The following PTK7 variants were observed in gnomAD, a reference collection of about 807,000 sequenced individuals.
The protein encoded by PTK7 is protein tyrosine kinase 7 (inactive).
PTK7 carries 39 observed loss-of-function variants against 116.6 expected under a neutral mutation model. The ratio of observed to expected loss-of-function variants is 0.33; its 90% confidence interval spans 0.26 to 0.44. The LOEUF (loss-of-function observed/expected upper bound fraction) is 0.44. PTK7 is among the 20% of genes least tolerant of loss of function. PTK7 has a pLI of 1.00. For synonymous variants in PTK7, 546 were observed against 563.6 expected (o/e 0.97, Z 0.44); for missense variants, 1,169 against 1,425.6 (o/e 0.82, Z 2.90).
Position 43,139,451 on chromosome 6 carries a change from A to C in PTK7, c.1544A>C (p.Glu515Ala). ...CCACCCCAGCCACAGCAGTGCATGGAGTTTGACAAGGAGGCCACGGTGCCC... is the reference window on the plus strand; with the variant it reads ...CCACCCCAGCCACAGCAGTGCATGGCGTTTGACAAGGAGGCCACGGTGCCC... ...TPPPQPQQCM[E>A]FDKEATVPCS... is the part of the protein sequence containing the mutation. The change falls in exon 10 of 20, where the codon GAG (glutamate) becomes GCG (alanine). Residue 515 changes from glutamate to alanine, a missense_variant. Physicochemically the swap from Glu to Ala is moderately radical, Grantham distance 107. Transcript: ENST00000230419. This position sits in a 1 kb window ranked among gnomAD's most constrained non-coding sequence, Gnocchi z 4.6. 6.2e-7 allele frequency: 1 copy of C among 1,614,210 alleles called. No individual in the cohort carries two copies. Among genetic ancestry groups the C allele is most frequent in the Non-Finnish European group, 8.5e-7 (1 of 1,180,040 alleles).
chr6:43,119,146 C>T (rs1768799204), intron 1 of PTK7, among the ~76,000 whole-genome samples: 2 of 152,008 alleles, frequency 1.3e-5, no homozygotes, highest in South Asian at 4.2e-4. Flanking sequence ...GTGGGTGAGG[C>T]AGGGTTGGGT....
At chr6:43,079,657 C>T (rs1766257092) in intron 1 of PTK7, among the ~76,000 whole-genome samples, 1 of 152,144 alleles carries the variant, frequency 6.6e-6, no homozygotes, top group South Asian at 2.1e-4. Context: ...GTGGCACAAT[C>T]TTGGCTCACT....
At chr6:43,110,844 C>T (rs955986393) in intron 1 of PTK7, among the ~76,000 whole-genome samples, 35 of 152,214 alleles carry the variant, frequency 2.3e-4, no homozygotes, top group African/African-American at 7.0e-4. Context: ...TTGTATCTTA[C>T]GTAGTCAGGC....
At position 43,129,017 on chromosome 6, in the gene PTK7, C is replaced by T. The variant is rs140431672; in HGVS notation, c.120C>T (p.Ser40=). ...TTGTCTTCATCAAGCAGCCGTCCTC[C>T]CAGGATGCACTGCAGGGGCGCCGGG... ...TAIVFIKQPS[S]QDALQGRRAL... Residue 40 remains serine (S), a synonymous_variant, in exon 2 of 20, where the codon TCC becomes TCT. Coordinates refer to ENST00000230419, the MANE Select transcript of PTK7 (RefSeq NM_002821.5). The surrounding 1 kb of genome is among the most constrained non-coding windows in gnomAD (Gnocchi z 4.5). The T allele has an allele frequency of 1.9e-6, 3 of 1,613,610 alleles. No individual in the cohort carries two copies. Among genetic ancestry groups the T allele is most frequent in the Non-Finnish European group, 2.5e-6 (3 of 1,179,696 alleles).
At chr6:43,152,745 TTATGTTA>T (rs1318414468) in intron 17 of PTK7, among the ~76,000 whole-genome samples, 2 of 103,800 alleles carry the variant, frequency 1.9e-5, no homozygotes, top group Non-Finnish European at 3.6e-5. Context: ...TTATGTTATG[TTATGTTA>T]TGTTATGTTA....
rs1426286620 is a variant in PTK7 at position 43,143,503 on chromosome 6, G to A, written c.2134G>A (p.Ala712Thr). 5.0e-6 allele frequency: 8 copies of A among 1,614,060 alleles called. No individual in the cohort carries two copies. The highest frequency in any genetic ancestry group is 1.1e-5 in the South Asian group (1 of 91,088). ...GACCATTGGGTTGTCGGTGGGTGCC[G>A]CTGTGGCCTACATCATTGCCGTGCT... is the stretch of plus-strand genomic sequence containing the variant. ...IQTIGLSVGA[A>T]VAYIIAVLGL... The change falls in exon 14 of 20, where the codon GCT becomes ACT. Residue 712 changes from alanine to threonine, a missense_variant. Physicochemically the swap from Ala to Thr is moderately conservative, Grantham distance 58 (BLOSUM62 0). Coordinates refer to ENST00000230419, the MANE Select transcript of PTK7 (RefSeq NM_002821.5). This position sits in a 1 kb window ranked among gnomAD's most constrained non-coding sequence, Gnocchi z 4.2.
intron 17 of PTK7, among the ~76,000 whole-genome samples, chr6:43,147,186 G>T (rs945237450): frequency 3.9e-5 from 6 of 152,242 alleles, no homozygotes; most frequent in African/African-American, 1.4e-4. Context: ...TTTGCATCTT[G>T]TCCTCTCCCT....
intron 1 of PTK7, among the ~76,000 whole-genome samples, chr6:43,119,683 C>T (rs563100566): frequency 6.6e-6 from 1 of 152,298 alleles, no homozygotes; most frequent in African/African-American, 2.4e-5. Flanking sequence ...AGGCTGAGCT[C>T]GTGGCATATT....
intron 17 of PTK7, among the ~76,000 whole-genome samples, chr6:43,157,351 T>A (rs1209276823): frequency 8.2e-5 from 1 of 12,240 alleles, no homozygotes; most frequent in African/African-American, 2.0e-4. Flanking sequence ...TATATATATA[T>A]ATATATATAT....
Position 43,145,225 on chromosome 6 carries a change from C to T in PTK7, c.2433C>T (p.Phe811=). 1 of 1,611,394 alleles carries T rather than the reference C, an allele frequency of 6.2e-7. No homozygotes were observed. The highest frequency in any genetic ancestry group is 8.5e-7 in the Non-Finnish European group (1 of 1,178,362). ...TLGKSEFGEV[F]LAKAQGLEEG... is the part of the protein sequence containing the mutation. ...GGAAGAGTGAGTTTGGGGAGGTGTTCCTGGCAAAGGCTCAGGGCTTGGAGG... is the reference window on the plus strand; with the variant it reads ...GGAAGAGTGAGTTTGGGGAGGTGTTTCTGGCAAAGGCTCAGGGCTTGGAGG... The change falls in exon 16 of 20, where the codon TTC becomes TTT. Residue 811 remains phenylalanine, a synonymous_variant. Coordinates refer to ENST00000230419, the MANE Select transcript of PTK7 (RefSeq NM_002821.5). This position sits in a 1 kb window ranked among gnomAD's most constrained non-coding sequence, Gnocchi z 4.8.
intron 1 of PTK7, among the ~76,000 whole-genome samples, chr6:43,119,191 C>G (rs1015400824): frequency 3.3e-5 from 5 of 152,028 alleles, no homozygotes; most frequent in Admixed American, 1.3e-4. Context: ...TCCTCACCAC[C>G]AGGAATTTGG....
intron 7 of PTK7, among the ~76,000 whole-genome samples, chr6:43,138,288 G>A (rs904515451): frequency 1.3e-5 from 2 of 152,098 alleles, no homozygotes; most frequent in African/African-American, 4.8e-5. Context: ...TGGGATTACA[G>A]GTGTGAGCCA....
intron 1 of PTK7, among the ~76,000 whole-genome samples, chr6:43,083,574 G>A (rs892142990): frequency 7.9e-5 from 12 of 152,146 alleles, no homozygotes; most frequent in Non-Finnish European, 1.3e-4. Context: ...CATTTAGGCC[G>A]TTTCCCTCCC....
At chr6:43,132,339 G>T in intron 6 of PTK7, 82 bp from the exon 7 acceptor site, 16 of 1,515,350 alleles carry the variant, frequency 1.1e-5, no homozygotes, top group Non-Finnish European at 1.4e-5. Flanking sequence ...GCTGGGAAAG[G>T]GCCTAGGCTT....
chr6:43,112,935 C>A (rs946456971), intron 1 of PTK7, among the ~76,000 whole-genome samples: 2 of 152,114 alleles, frequency 1.3e-5, no homozygotes, highest in African/African-American at 4.8e-5. Context: ...CCTATGTGAT[C>A]CTCTCGCCTC....
chr6:43,142,131 T>A lies in PTK7; in HGVS notation c.1920-41T>A, dbSNP rs1029630929. The A allele has an allele frequency of 3.1e-6, 5 of 1,611,508 alleles. No individual in the cohort carries two copies. The African/African-American group carries it at 6.7e-5, about 22-fold the overall frequency. On this transcript the variant is annotated intron_variant, in intron 12 of 19. Transcript: ENST00000230419. ...CGTCCCTCCTCTCCTGCAGCCCCCCTCCCTGCGAGCTGGCCAGCACTATGG... is the reference window on the plus strand; with the variant it reads ...CGTCCCTCCTCTCCTGCAGCCCCCCACCCTGCGAGCTGGCCAGCACTATGG...
chr6:43,155,569 G>A (rs1252296144), intron 17 of PTK7, among the ~76,000 whole-genome samples: 2 of 148,926 alleles, frequency 1.3e-5, no homozygotes, highest in Admixed American at 6.8e-5. Flanking sequence ...GCTTGAACCC[G>A]GGAGGCGGAG....
At chr6:43,110,179 GAATAC>G (rs1301562246) in intron 1 of PTK7, among the ~76,000 whole-genome samples, 2 of 150,868 alleles carry the variant, frequency 1.3e-5, no homozygotes, top group Non-Finnish European at 2.9e-5. Context: ...TGTATGTTTA[GAATAC>G]AAAATACATG....
chr6:43,132,090 C>T lies in PTK7; in HGVS notation c.887C>T (p.Ala296Val), dbSNP rs1369712811. ...LLLTQVRPRN[A>V]GIYRCIGQGQ... ...CTGACCCAGGTCCGGCCACGCAATG[C>T]AGGGATCTACCGCTGCATTGGCCAG... The change falls in exon 6 of 20, where the codon GCA (alanine) becomes GTA (valine). Residue 296 changes from alanine to valine, a missense_variant. Physicochemically the swap from Ala to Val is moderately conservative, Grantham distance 64. Coordinates refer to ENST00000230419, the MANE Select transcript of PTK7 (RefSeq NM_002821.5). 8 of 1,613,984 alleles carry T rather than the reference C, an allele frequency of 5.0e-6. No homozygotes were observed. In the African/African-American group the frequency reaches 9.3e-5, roughly 19 times the overall value.
Sources: gnomAD v4.1 joint callset for allele counts (sites outside exome capture counted in the v4.1 genomes callset) on GRCh38, gnomAD v4.1.1 for gene constraint, Gnocchi (gnomAD v3.1) non-coding constraint, MANE v1.5 for transcripts, NCBI Gene and HGNC (gene_info 2026-07-23, HGNC 2026-07-21) for gene names.